PACRG: variants seen among roughly 807,000 people sequenced by gnomAD.
The protein encoded by PACRG is parkin coregulated gene protein.
A neutral mutation model predicts 29.7 loss-of-function variants in PACRG; 29 were observed. The ratio of observed to expected loss-of-function variants is 0.98; its 90% CI spans 0.73 to 1.33. PACRG has a LOEUF of 1.33. PACRG is among the 40% of genes most tolerant of loss of function. The pLI, the probability that PACRG is intolerant of heterozygous loss-of-function variation, is 0.00. For missense variants in PACRG, 279 were observed against 316.2 expected, an observed-to-expected ratio of 0.88 and a Z score of 0.89; for synonymous variants, 116 against 118.7, an observed-to-expected ratio of 0.98 and a Z score of 0.15.
At chr6:163,022,893 TTG>T (rs1157838591) in intron 2 of PACRG, among the ~76,000 whole-genome samples, 1 of 152,232 alleles carries the variant, frequency 6.6e-6, no homozygotes, top group Non-Finnish European at 1.5e-5. Flanking sequence ...GGAGCAATTT[TTG>T]TGAGTATCCC....
intron 4 of PACRG, among the ~76,000 whole-genome samples, chr6:163,250,718 G>A (rs926931535): frequency 3.9e-5 from 6 of 152,122 alleles, no homozygotes; most frequent in Admixed American, 6.5e-5. Flanking sequence ...GCACAAGCAT[G>A]TTTATAGCAG....
At chr6:163,044,644 C>T (rs895745476) in intron 2 of PACRG, 2 of 152,188 alleles carry the variant, frequency 1.3e-5, no homozygotes, top group Non-Finnish European at 2.9e-5. Context: ...ATCATCGTCA[C>T]TTACAAAGAC....
chr6:163,239,930 C>G (rs1258132054), intron 4 of PACRG, among the ~76,000 whole-genome samples: 2 of 99,120 alleles, frequency 2.0e-5, no homozygotes, highest in African/African-American at 6.8e-5. Context: ...ATCCATAACA[C>G]ACTCACACTC....
chr6:163,067,537 A>G (rs1461071415), intron 3 of PACRG, among the ~76,000 whole-genome samples: 1 of 152,252 alleles, frequency 6.6e-6, no homozygotes, highest in Non-Finnish European at 1.5e-5. Flanking sequence ...AGTGAAAGAA[A>G]AAACACTTTC....
intron 4 of PACRG, among the ~76,000 whole-genome samples, chr6:163,179,055 A>C (rs746310553): frequency 2.0e-5 from 3 of 152,220 alleles, no homozygotes; most frequent in African/African-American, 7.2e-5. Context: ...CTGATGAAAT[A>C]AGTCACTGAT....
rs570349457 is a variant in PACRG, at chr6:162,928,394, G to C, written c.291+114113G>C. On this transcript the variant is annotated intron_variant, in intron 2 of 4. Coordinates refer to ENST00000366888, the MANE Select transcript of PACRG (RefSeq NM_001080379.2). Reference sequence around the variant, plus strand: ...TTCATTTCTGATTTAAATGTATGTGGGTCTTCTCTATTTTTTTCTAGTCTA... The same window carrying C: ...TTCATTTCTGATTTAAATGTATGTGCGTCTTCTCTATTTTTTTCTAGTCTA... Among the ~76,000 whole-genome samples the C allele has an allele frequency of 8.6e-4, 129 of 149,734 alleles. 2 individuals are homozygous for C. In the South Asian group the frequency reaches 0.026, roughly 31 times the overall value.
At chr6:162,875,563 AG>A (rs534805537) in intron 2 of PACRG, among the ~76,000 whole-genome samples, 29 of 152,336 alleles carry the variant, frequency 1.9e-4, no homozygotes, top group African/African-American at 6.7e-4. Flanking sequence ...CTTAGCCAAA[AG>A]TGGCTGAAAG....
chr6:163,276,049 C>G (rs1784015109), intron 4 of PACRG, among the ~76,000 whole-genome samples: 2 of 125,288 alleles, frequency 1.6e-5, no homozygotes, highest in Non-Finnish European at 1.7e-5. Context: ...TTTATTTAGA[C>G]AGAGCCTCAC....
intron 4 of PACRG, among the ~76,000 whole-genome samples, chr6:163,171,322 G>A (rs1455383330): frequency 1.3e-5 from 2 of 152,288 alleles, no homozygotes; most frequent in African/African-American, 2.4e-5. Context: ...TCCCCACATT[G>A]CAATAGCCAA....
At chr6:163,179,820 C>G (rs949891489) in intron 4 of PACRG, among the ~76,000 whole-genome samples, 3 of 152,186 alleles carry the variant, frequency 2.0e-5, no homozygotes, top group African/African-American at 7.2e-5. Flanking sequence ...AGTATAAGCT[C>G]TGAGTTACTG....
chr6:163,249,491 C>T (rs765138193), intron 4 of PACRG, among the ~76,000 whole-genome samples: 21 of 152,142 alleles, frequency 1.4e-4, no homozygotes, highest in Non-Finnish European at 2.1e-4. Context: ...ACTGAAAGGT[C>T]CCAAGTTAAT....
chr6:163,078,794 C>A (rs972623376), intron 3 of PACRG, among the ~76,000 whole-genome samples: 1 of 152,238 alleles, frequency 6.6e-6, no homozygotes, highest in Non-Finnish European at 1.5e-5. Flanking sequence ...GCCGTGAAAC[C>A]CCACTTCATC....
chr6:163,273,048 C>T (rs4576225), intron 4 of PACRG, among the ~76,000 whole-genome samples: 51,776 of 146,866 alleles, frequency 0.35, 9,694 homozygotes, highest in Non-Finnish European at 0.39. Flanking sequence ...CCCGCCACTA[C>T]GCCCGGCTAA....
At chr6:162,925,224 C>A (rs1011404312) in intron 2 of PACRG, among the ~76,000 whole-genome samples, 1 of 152,116 alleles carries the variant, frequency 6.6e-6, no homozygotes, top group African/African-American at 2.4e-5. Flanking sequence ...CAGCCAAATT[C>A]TGCTAGAGGT....
At chr6:163,244,273 T>G (rs535103489) in intron 4 of PACRG, among the ~76,000 whole-genome samples, 13 of 152,330 alleles carry the variant, frequency 8.5e-5, no homozygotes, top group African/African-American at 3.1e-4. Context: ...TTCCTTCATT[T>G]GCATTCAGTT....
At chr6:162,904,332 G>T (rs1795782563) in intron 2 of PACRG, among the ~76,000 whole-genome samples, 1 of 152,236 alleles carries the variant, frequency 6.6e-6, no homozygotes, top group African/African-American at 2.4e-5. Context: ...GAGTCCCACA[G>T]GGCCCTTCTG....
intron 2 of PACRG, among the ~76,000 whole-genome samples, chr6:162,841,922 ATTCTGAG>A (rs1255756188): frequency 5.9e-5 from 9 of 151,324 alleles, no homozygotes; most frequent in South Asian, 2.1e-4. Context: ...GAGATTCTTA[ATTCTGAG>A]TTCTAGTTTG....
At chr6:163,297,748 A>T (rs1355676833) in intron 4 of PACRG, among the ~76,000 whole-genome samples, 1 of 152,188 alleles carries the variant, frequency 6.6e-6, no homozygotes, top group Non-Finnish European at 1.5e-5. Context: ...ACACTTTGTA[A>T]ACCTGAGCGC....
chr6:162,922,500 G>A (rs1203689983), intron 2 of PACRG, among the ~76,000 whole-genome samples: 1 of 151,904 alleles, frequency 6.6e-6, no homozygotes, highest in Non-Finnish European at 1.5e-5. Context: ...CTGCAGTGCA[G>A]TGGAACATAT....
Sources: allele counts gnomAD v4.1 joint callset (sites outside exome capture counted in the v4.1 genomes callset), GRCh38; gene constraint gnomAD v4.1.1; transcripts MANE v1.5; gene names NCBI Gene and HGNC (gene_info 2026-07-23, HGNC 2026-07-21).